RANBP2: variants seen among roughly 807,000 people sequenced by gnomAD.
RANBP2 encodes the protein RAN binding protein 2, also known as E3 SUMO-protein ligase RanBP2.
In RANBP2, 57 loss-of-function variants were observed where a neutral mutation model predicts 303.6. The observed-to-expected ratio is 0.19, with a 90% CI of 0.15 to 0.23. RANBP2 has a LOEUF of 0.23. Ranked by LOEUF, RANBP2 falls within the 10% of genes least tolerant of loss-of-function variation. The pLI, the probability that RANBP2 is intolerant of heterozygous loss-of-function variation, is 1.00. For missense variants in RANBP2, 3,138 were observed against 3,780.8 expected, an observed-to-expected ratio of 0.83 and a Z score of 4.46; for synonymous variants, 1,167 against 1,301.5, an observed-to-expected ratio of 0.90 and a Z score of 2.23.
chr2:109,125,334 T>C, the RANBP2 span, among the ~76,000 whole-genome samples: 1 of 152,200 alleles, frequency 6.6e-6, no homozygotes. Context: ...ACTATCACCA[T>C]GTGGAGCGTC....
the RANBP2 span, among the ~76,000 whole-genome samples, chr2:109,247,893 T>C: frequency 6.6e-6 from 1 of 152,206 alleles, no homozygotes; most frequent in Non-Finnish European, 1.5e-5. Flanking sequence ...GGCGTCTTCA[T>C]GTGGTGGACT....
the RANBP2 span, among the ~76,000 whole-genome samples, chr2:108,929,563 C>T: frequency 6.6e-6 from 1 of 152,342 alleles, no homozygotes; most frequent in South Asian, 2.1e-4. Context: ...CTGGGCTTGC[C>T]CCTCTCCTCG....
the RANBP2 span, among the ~76,000 whole-genome samples, chr2:109,709,370 T>TAAAATAAA: frequency 3.2e-5 from 3 of 93,962 alleles, no homozygotes; most frequent in Non-Finnish European, 5.4e-5. Flanking sequence ...AATAAAATAA[T>TAAAATAAA]AAAAATAACA....
chr2:109,199,617 T>TCAACCCGAGTGCAG, the RANBP2 span, among the ~76,000 whole-genome samples: 2 of 258 alleles, frequency 7.8e-3, no homozygotes, highest in African/African-American at 0.012. Context: ...TGGAATGGAA[T>TCAACCCGAGTGCAG]GGAATGGAAT....
the RANBP2 span, among the ~76,000 whole-genome samples, chr2:109,718,920 G>A: frequency 3.5e-5 from 5 of 144,498 alleles, no homozygotes; most frequent in South Asian, 1.2e-3. Context: ...TGAGGCAGGA[G>A]AATTGCTTGA....
chr2:108,940,692 C>A, the RANBP2 span, among the ~76,000 whole-genome samples: 2 of 152,232 alleles, frequency 1.3e-5, no homozygotes, highest in African/African-American at 4.8e-5. Flanking sequence ...GCAATTACAA[C>A]ACGTCACACC....
At chr2:109,449,676 A>G in the RANBP2 span, among the ~76,000 whole-genome samples, 2 of 152,202 alleles carry the variant, frequency 1.3e-5, no homozygotes, top group African/African-American at 4.8e-5. Context: ...TTGGAGAGGA[A>G]TCAGGCAGGC....
chr2:109,598,372 A>C, the RANBP2 span, among the ~76,000 whole-genome samples: 1 of 152,000 alleles, frequency 6.6e-6, no homozygotes, highest in Non-Finnish European at 1.5e-5. Context: ...CCGGCCCTAT[A>C]ATCACTTGAC....
the RANBP2 span, among the ~76,000 whole-genome samples, chr2:108,792,424 T>G: frequency 1.3e-5 from 2 of 152,170 alleles, no homozygotes; most frequent in Non-Finnish European, 2.9e-5. Flanking sequence ...GTGGAAAACA[T>G]GGGATAAGGT....
chr2:109,484,300 G>A, the RANBP2 span, among the ~76,000 whole-genome samples: 1 of 151,984 alleles, frequency 6.6e-6, no homozygotes, highest in African/African-American at 2.4e-5. Context: ...CTCCTGACCT[G>A]AGGTGATCCG....
At chr2:109,446,318 G>T in the RANBP2 span, among the ~76,000 whole-genome samples, 7 of 152,288 alleles carry the variant, frequency 4.6e-5, no homozygotes, top group South Asian at 1.5e-3. Flanking sequence ...AATGTACAGA[G>T]CACCTTCTAC....
intron 6 of RANBP2, among the ~76,000 whole-genome samples, 187 bp from the exon 7 acceptor site, chr2:108,740,302 G>A (rs1472657673): frequency 6.6e-6 from 1 of 152,094 alleles, no homozygotes; most frequent in African/African-American, 2.4e-5. Context: ...ATGAAGTATA[G>A]GAAGTATGCA....
chr2:108,981,194 C>A, the RANBP2 span, among the ~76,000 whole-genome samples: 1 of 152,196 alleles, frequency 6.6e-6, no homozygotes, highest in Non-Finnish European at 1.5e-5. Context: ...CAATGATGAT[C>A]TGACGTTCCA....
At chr2:109,553,113 CTTCT>C in the RANBP2 span, 2 of 1,613,208 alleles carry the variant, frequency 1.2e-6, no homozygotes, top group Non-Finnish European at 1.7e-6. Flanking sequence ...TTCAATATGG[CTTCT>C]TTCTCCTTTA....
chr2:108,793,997 G>A, the RANBP2 span, among the ~76,000 whole-genome samples: 1 of 152,128 alleles, frequency 6.6e-6, no homozygotes, highest in South Asian at 2.1e-4. Flanking sequence ...CCTATAGGAG[G>A]ATGCTGTATA....
chr2:109,646,876 T>C, the RANBP2 span, among the ~76,000 whole-genome samples: 14 of 152,132 alleles, frequency 9.2e-5, no homozygotes, highest in Admixed American at 4.6e-4. Flanking sequence ...GAAAGTAAAA[T>C]GGTAATTCTA....
At chr2:108,848,827 A>G in the RANBP2 span, among the ~76,000 whole-genome samples, 11 of 152,352 alleles carry the variant, frequency 7.2e-5, no homozygotes, top group East Asian at 1.9e-3. Flanking sequence ...GAAATGAATC[A>G]AAATTGGCAC....
the RANBP2 span, among the ~76,000 whole-genome samples, chr2:109,333,899 T>G: frequency 6.6e-6 from 1 of 152,196 alleles, no homozygotes; most frequent in Non-Finnish European, 1.5e-5. Context: ...AAATAATACT[T>G]GTCTCCTAAG....
At chr2:109,644,013 C>A in the RANBP2 span, among the ~76,000 whole-genome samples, 1 of 146,384 alleles carries the variant, frequency 6.8e-6, no homozygotes. Context: ...CCCAGCTACT[C>A]GGGAGGCTGA....
Sources: gnomAD v4.1 joint callset for allele counts (sites outside exome capture counted in the v4.1 genomes callset) on GRCh38, gnomAD v4.1.1 for gene constraint, MANE v1.5 for transcripts, NCBI Gene and HGNC (gene_info 2026-07-23, HGNC 2026-07-21) for gene names.